RASAL2: variants seen among roughly 807,000 people sequenced by gnomAD.
RASAL2 encodes the protein RAS protein activator like 2, also known as ras GTPase-activating protein nGAP.
In RASAL2, 58 loss-of-function variants were observed where a neutral mutation model predicts 128.9. The ratio of observed to expected loss-of-function variants is 0.45; its 90% confidence interval spans 0.36 to 0.56. RASAL2 has a LOEUF of 0.56. Ranked by LOEUF, RASAL2 falls within the 20% of genes least tolerant of loss-of-function variation. The pLI is 0.00. For synonymous variants in RASAL2, 561 were observed against 580.8 expected, an observed-to-expected ratio of 0.97 and a Z score of 0.49; for missense variants, 1,360 against 1,601.6, an observed-to-expected ratio of 0.85 and a Z score of 2.57.
At chr1:178,438,931 G>GTGTGTGT (rs1553233734) in intron 5 of RASAL2, among the ~76,000 whole-genome samples, 1 of 137,672 alleles carries the variant, frequency 7.3e-6, no homozygotes, top group South Asian at 2.3e-4. Context: ...GTGTGTGTGT[G>GTGTGTGT]TTTTGCCAAA....
intron 1 of RASAL2, among the ~76,000 whole-genome samples, chr1:178,258,660 TG>T (rs1195212674): frequency 6.6e-6 from 1 of 152,244 alleles, no homozygotes; most frequent in Non-Finnish European, 1.5e-5. Flanking sequence ...TCTACATTGC[TG>T]ACATAAAATC....
At chr1:178,441,734 T>C in intron 7 of RASAL2, 87 bp downstream of exon 7, 1 of 993,884 alleles carries the variant, frequency 1.0e-6, no homozygotes, top group Non-Finnish European at 1.5e-6. Context: ...ATACCTTAAT[T>C]TGTCTATAGC....
At position 178,445,548 on chromosome 1, in the gene RASAL2, G is replaced by A. The variant is rs761664240; in HGVS notation, c.1513G>A (p.Val505Met). 4 of 1,613,776 alleles carry A rather than the reference G, an allele frequency of 2.5e-6. No individual in the cohort carries two copies. The highest frequency in any genetic ancestry group is 2.2e-5 in the East Asian group (1 of 44,854). Reference sequence around the variant, plus strand: ...TCTGACTGACTTGGTGATGTCTGAGGTGGATCGTTGTGGAGAGCATGATGT... The same window carrying A: ...TCTGACTGACTTGGTGATGTCTGAGATGGATCGTTGTGGAGAGCATGATGT... Reference protein sequence around the residue: ...DFLTDLVMSEVDRCGEHDVLI... With the variant: ...DFLTDLVMSEMDRCGEHDVLI... The change falls in exon 9 of 18, where the codon GTG becomes ATG. Residue 505 changes from valine (V) to methionine (M), a missense_variant. Val to Met is a conservative substitution (Grantham distance 21). Around this residue, in one of 3 missense-constraint regions of RASAL2, gnomAD observed 617 missense variants for 714.2 expected, o/e 0.86. Coordinates refer to ENST00000367649, the MANE Select transcript of RASAL2 (RefSeq NM_170692.4).
chr1:178,401,084 G>A (rs189554168), intron 4 of RASAL2, among the ~76,000 whole-genome samples: 23 of 152,262 alleles, frequency 1.5e-4, no homozygotes, highest in African/African-American at 4.8e-4. Context: ...CACTCTTCTA[G>A]AAGACAAGAA....
intron 9 of RASAL2, among the ~76,000 whole-genome samples, chr1:178,447,673 TAAAAAAAAAAA>T (rs60358768): frequency 0.22 from 12,267 of 56,140 alleles, 813 homozygotes; most frequent in Middle Eastern, 0.38. Context: ...CTCCTTCTCT[TAAAAAAAAAAA>T]AAAAAAAAAA....
At chr1:178,186,312 C>G (rs1033187729) in intron 1 of RASAL2, among the ~76,000 whole-genome samples, 1 of 150,564 alleles carries the variant, frequency 6.6e-6, no homozygotes, top group Non-Finnish European at 1.5e-5. Flanking sequence ...TTTTGTTGAT[C>G]TATTCAAAGA....
chr1:178,322,267 C>G (rs1668829508), intron 3 of RASAL2, among the ~76,000 whole-genome samples: 1 of 152,122 alleles, frequency 6.6e-6, no homozygotes, highest in Non-Finnish European at 1.5e-5. Context: ...CCTCACCGTA[C>G]TTTTTAAAAT....
intron 1 of RASAL2, among the ~76,000 whole-genome samples, chr1:178,246,552 C>G (rs1235876179): frequency 1.3e-5 from 2 of 152,042 alleles, no homozygotes; most frequent in African/African-American, 2.4e-5. Context: ...ATTTGAATAC[C>G]CTTTATTTCT....
intron 1 of RASAL2, among the ~76,000 whole-genome samples, chr1:178,165,941 G>A (rs769882016): frequency 3.3e-5 from 5 of 151,984 alleles, no homozygotes; most frequent in African/African-American, 9.7e-5. Context: ...AGTAGATAGC[G>A]GGAATTACAT....
intron 1 of RASAL2, among the ~76,000 whole-genome samples, chr1:178,181,615 T>TAGGATAC (rs1662112051): frequency 6.6e-6 from 1 of 152,190 alleles, no homozygotes. Context: ...GGATGCCATC[T>TAGGATAC]AGGATACCAC....
chr1:178,247,578 C>T (rs1053742865), intron 1 of RASAL2, among the ~76,000 whole-genome samples: 7 of 152,084 alleles, frequency 4.6e-5, no homozygotes, highest in African/African-American at 1.7e-4. Flanking sequence ...TTCAGTTCTG[C>T]ACTGATCTTA....
At chr1:178,108,139 C>T (rs1659166887) in intron 1 of RASAL2, among the ~76,000 whole-genome samples, 1 of 152,138 alleles carries the variant, frequency 6.6e-6, no homozygotes, top group Non-Finnish European at 1.5e-5. Context: ...TTGGTTTAAC[C>T]ATCCTAGTAG....
At chr1:178,344,587 TAC>T (rs1670050724) in intron 3 of RASAL2, among the ~76,000 whole-genome samples, 2 of 152,202 alleles carry the variant, frequency 1.3e-5, no homozygotes, top group Non-Finnish European at 2.9e-5. Context: ...AAGTGTTTGT[TAC>T]AGACTCTTTT....
intron 3 of RASAL2, among the ~76,000 whole-genome samples, chr1:178,350,367 C>T (rs1179308007): frequency 6.6e-6 from 1 of 152,154 alleles, no homozygotes; most frequent in Non-Finnish European, 1.5e-5. Context: ...ACTACAACTG[C>T]GTGTCACCAC....
intron 2 of RASAL2, among the ~76,000 whole-genome samples, chr1:178,297,931 AT>A (rs1262057685): frequency 6.6e-6 from 1 of 152,160 alleles, no homozygotes; most frequent in Non-Finnish European, 1.5e-5. Context: ...CATAGAAAAA[AT>A]ATTTCCTCCT....
At chr1:178,134,117 C>A (rs984596642) in intron 1 of RASAL2, among the ~76,000 whole-genome samples, 6 of 152,108 alleles carry the variant, frequency 3.9e-5, no homozygotes, top group Admixed American at 1.3e-4. Flanking sequence ...AATTTAGGAG[C>A]CACTTAGCAG....
chr1:178,424,938 C>T (rs1031471822), intron 5 of RASAL2, among the ~76,000 whole-genome samples: 9 of 152,106 alleles, frequency 5.9e-5, no homozygotes, highest in African/African-American at 2.2e-4. Flanking sequence ...GTAACACACT[C>T]AATATGTGAC....
intron 3 of RASAL2, among the ~76,000 whole-genome samples, chr1:178,335,612 C>A (rs1349426996): frequency 6.6e-6 from 1 of 152,180 alleles, no homozygotes. Context: ...TATTCTCGGA[C>A]ACAGATGTTT....
At chr1:178,261,377 G>A (rs1304839784) in intron 1 of RASAL2, among the ~76,000 whole-genome samples, 1 of 151,928 alleles carries the variant, frequency 6.6e-6, no homozygotes, top group African/African-American at 2.4e-5. Context: ...ATCTTTTTTT[G>A]TATACCTTTA....
Sources: gnomAD v4.1 joint callset for allele counts (sites outside exome capture counted in the v4.1 genomes callset) on GRCh38, gnomAD v4.1.1 for gene constraint, gnomAD v4.1.1 regional missense constraint, MANE v1.5 for transcripts, NCBI Gene and HGNC (gene_info 2026-07-23, HGNC 2026-07-21) for gene names.